Variants in ANKFN1 observed in about 807,000 individuals in gnomAD.
ANKFN1 encodes the protein ankyrin repeat and fibronectin type-III domain-containing protein 1.
In ANKFN1, 74 loss-of-function variants were observed where a neutral mutation model predicts 108.7. The observed-to-expected ratio is 0.68, with a 90% confidence interval of 0.56 to 0.83. ANKFN1 has a LOEUF of 0.83. ANKFN1 is among the 40% of genes least tolerant of loss of function. The probability of loss-of-function intolerance (pLI) is 0.00; values close to 1 mark genes in which losing one functional copy is unlikely to be tolerated. For synonymous variants in ANKFN1, 547 were observed against 516.2 expected, an observed-to-expected ratio of 1.06 and a Z score of -0.81; for missense variants, 1,505 against 1,382.3, an observed-to-expected ratio of 1.09 and a Z score of -1.41.
At position 56,492,351 on chromosome 17, in the gene ANKFN1, C is replaced by A. The variant is rs942234095; in HGVS notation, c.2425C>A (p.Gln809Lys). Residue 809 changes from glutamine to lysine, a missense_variant and splice_region_variant, in exon 19 of 21, where the codon CAG becomes AAG. By Grantham distance (53) the Gln-to-Lys change is moderately conservative (BLOSUM62 1). Transcript: ENST00000682825. ...ACACCAGCAAGTTTTAGATTTCATT[C>A]AGGTAATTGTTTGTTCCTTCTGGGG... is the stretch of plus-strand genomic sequence containing the variant. ...QRHQQVLDFIQQIDEVWREMR... is the reference protein window; with the variant it reads ...QRHQQVLDFIKQIDEVWREMR... 4.3e-6 allele frequency: 3 copies of A among 701,846 alleles called. No homozygotes were observed. The highest frequency in any genetic ancestry group is 7.8e-6 in the Non-Finnish European group (3 of 384,320). 43.5% of individuals were successfully genotyped at this position (701,846 alleles called of 1,614,324 possible).
chr17:56,496,336 G>A (rs2051200500), intron 19 of ANKFN1, among the ~76,000 whole-genome samples: 1 of 152,120 alleles, frequency 6.6e-6, no homozygotes, highest in African/African-American at 2.4e-5. Context: ...AGAGCAGGTA[G>A]ATTATTTATT....
intron 3 of ANKFN1, among the ~76,000 whole-genome samples, chr17:56,287,033 T>G (rs1011922684): frequency 6.6e-6 from 1 of 152,198 alleles, no homozygotes; most frequent in Admixed American, 6.5e-5. Flanking sequence ...TCAGAAATAC[T>G]TTAATCCCTT....
chr17:56,277,836 G>T (rs541306954), intron 3 of ANKFN1, among the ~76,000 whole-genome samples: 1 of 152,314 alleles, frequency 6.6e-6, no homozygotes, highest in African/African-American at 2.4e-5. Context: ...ATATGTTTAT[G>T]TAGGAGAATA....
intron 15 of ANKFN1, among the ~76,000 whole-genome samples, chr17:56,468,536 C>T (rs2050210075): frequency 6.6e-6 from 1 of 152,094 alleles, no homozygotes; most frequent in Non-Finnish European, 1.5e-5. Flanking sequence ...AGCATATCCA[C>T]AGACAGCCAC....
At chr17:56,137,291 C>T (rs1179307292) in intron 4 of ANKFN1, among the ~76,000 whole-genome samples, 1 of 152,094 alleles carries the variant, frequency 6.6e-6, no homozygotes, top group East Asian at 1.9e-4. Flanking sequence ...TAATGTATTC[C>T]CTTAGGGGCC....
intron 4 of ANKFN1, among the ~76,000 whole-genome samples, chr17:56,133,136 G>A (rs1907382865): frequency 6.6e-6 from 1 of 152,116 alleles, no homozygotes; most frequent in Non-Finnish European, 1.5e-5. Context: ...CATTTGCTGG[G>A]GGAAGTCAGT....
intron 15 of ANKFN1, chr17:56,473,231 A>G (rs1353679248): frequency 6.6e-6 from 1 of 152,220 alleles, no homozygotes; most frequent in African/African-American, 2.4e-5. Flanking sequence ...TAGGGCATGT[A>G]TGGGGAAAGA....
intron 1 of ANKFN1, among the ~76,000 whole-genome samples, chr17:56,162,149 A>G (rs1909717553): frequency 6.6e-6 from 1 of 152,210 alleles, no homozygotes; most frequent in South Asian, 2.1e-4. Flanking sequence ...AAAACTAAGG[A>G]GAGGTAGTTC....
intron 3 of ANKFN1, among the ~76,000 whole-genome samples, chr17:56,266,353 C>T (rs2043651155): frequency 6.6e-6 from 1 of 152,104 alleles, no homozygotes; most frequent in South Asian, 2.1e-4. Flanking sequence ...CAACCTGAGC[C>T]CTTCCATCCT....
At chr17:56,133,572 G>A (rs1003200759) in intron 4 of ANKFN1, among the ~76,000 whole-genome samples, 1 of 134,102 alleles carries the variant, frequency 7.5e-6, no homozygotes, top group Admixed American at 7.6e-5. Context: ...GTGTGTGTGT[G>A]TACACATATC....
At chr17:56,165,667 T>A (rs577332277) in intron 1 of ANKFN1, among the ~76,000 whole-genome samples, 10 of 152,182 alleles carry the variant, frequency 6.6e-5, no homozygotes, top group African/African-American at 2.2e-4. Context: ...AGTTTTCATA[T>A]GGGTGTTTGG....
chr17:56,322,799 T>A (rs1188033129), intron 3 of ANKFN1, among the ~76,000 whole-genome samples: 2 of 152,226 alleles, frequency 1.3e-5, no homozygotes, highest in Non-Finnish European at 2.9e-5. Context: ...TGCTCATACT[T>A]TTTTATGGCA....
At chr17:56,063,092 T>C (rs1257839298) in intron 4 of ANKFN1, among the ~76,000 whole-genome samples, 1 of 152,194 alleles carries the variant, frequency 6.6e-6, no homozygotes, top group Non-Finnish European at 1.5e-5. Flanking sequence ...TGCTGAGAGG[T>C]CCACTGTTAG....
chr17:56,188,539 A>ATGTGTG (rs1555607562), intron 1 of ANKFN1, among the ~76,000 whole-genome samples: 3 of 92,962 alleles, frequency 3.2e-5, no homozygotes, highest in East Asian at 3.7e-4. Flanking sequence ...ATAAAATAAG[A>ATGTGTG]TGTATATGTG....
In ANKFN1 at chr17:56,506,049, TTTTG is replaced by T. The variant is rs536342035; in HGVS notation, c.2645-4412_2645-4409del. ...CTATGAAAGTGACATTATTTGTTTT[TTTTG>T]TTTGTTTGTTTATTTGTTTTTTATT... On this transcript the variant is annotated intron_variant, in intron 20 of 20. Transcript: ENST00000682825. 3.3e-3 allele frequency among the ~76,000 whole-genome samples: 503 copies of T among 151,508 alleles called. 2 individuals carry two copies. The highest frequency in any genetic ancestry group is 0.011 in the African/African-American group (452 of 41,464).
intron 4 of ANKFN1, among the ~76,000 whole-genome samples, chr17:56,139,231 A>G (rs1435424476): frequency 6.6e-6 from 1 of 152,230 alleles, no homozygotes; most frequent in Non-Finnish European, 1.5e-5. Flanking sequence ...GTGATCACCA[A>G]GAACCCACCA....
chr17:56,183,353 A>G (rs1436378170), intron 1 of ANKFN1, among the ~76,000 whole-genome samples: 1 of 152,168 alleles, frequency 6.6e-6, no homozygotes, highest in African/African-American at 2.4e-5. Flanking sequence ...AAATACCAAC[A>G]TTAGCCAGTG....
intron 1 of ANKFN1, among the ~76,000 whole-genome samples, chr17:56,178,418 C>T (rs1203750527): frequency 1.3e-5 from 2 of 152,136 alleles, no homozygotes; most frequent in African/African-American, 4.8e-5. Context: ...ACATTTTAGC[C>T]TGTGGATTCC....
At chr17:56,063,171 T>C (rs899493848) in intron 4 of ANKFN1, among the ~76,000 whole-genome samples, 2 of 152,190 alleles carry the variant, frequency 1.3e-5, no homozygotes, top group Non-Finnish European at 2.9e-5. Flanking sequence ...TTTCTCAGGC[T>C]GCCCTTAACA....
Sources: gnomAD v4.1 joint callset for allele counts (sites outside exome capture counted in the v4.1 genomes callset) on GRCh38, gnomAD v4.1.1 for gene constraint, MANE v1.5 for transcripts, NCBI Gene and HGNC (gene_info 2026-07-23, HGNC 2026-07-21) for gene names.